The following PTPRD variants were observed in gnomAD, a reference collection of about 807,000 sequenced individuals.
PTPRD encodes protein tyrosine phosphatase receptor type D.
Under a neutral mutation model 214.5 loss-of-function variants are expected in PTPRD, and 34 were observed. The observed-to-expected ratio is 0.16, with a 90% CI of 0.12 to 0.21. The LOEUF is 0.21. Ranked by LOEUF, PTPRD falls within the 10% of genes least tolerant of loss-of-function variation. The pLI, the probability that PTPRD is intolerant of heterozygous loss-of-function variation, is 1.00. For synonymous variants in PTPRD, 1,128 were observed against 845.7 expected (o/e 1.33, Z -5.79); for missense variants, 2,545 against 2,398.7 (o/e 1.06, Z -1.27).
chr9:8,975,160 G>A (rs1283531763), intron 11 of PTPRD, among the ~76,000 whole-genome samples: 3 of 151,352 alleles, frequency 2.0e-5, no homozygotes, highest in Non-Finnish European at 4.4e-5. Flanking sequence ...ACATGATGAA[G>A]GGAATGGATA....
At chr9:8,356,599 T>G (rs1484738196) in intron 39 of PTPRD, among the ~76,000 whole-genome samples, 1 of 152,190 alleles carries the variant, frequency 6.6e-6, no homozygotes, top group Non-Finnish European at 1.5e-5. Context: ...AGCTATTAGG[T>G]TATAAAAATA....
intron 12 of PTPRD, among the ~76,000 whole-genome samples, chr9:8,699,714 C>T (rs948503713): frequency 6.6e-6 from 1 of 151,014 alleles, no homozygotes; most frequent in Non-Finnish European, 1.5e-5. Context: ...AAATGGTATC[C>T]ATCACATTGC....
In PTPRD at chr9:10,217,139, G is replaced by T. The variant is rs141570499; in HGVS notation, c.-545+123824C>A. On this transcript the variant is annotated intron_variant, in intron 3 of 45. Transcript: ENST00000381196. Reference sequence around the variant, plus strand: ...TGGCATTGAAACTAGCTTCCCACTAGATTTTACTTTGCTTTACCTCAAATT... The same window carrying T: ...TGGCATTGAAACTAGCTTCCCACTATATTTTACTTTGCTTTACCTCAAATT... 5.9e-4 allele frequency among the ~76,000 whole-genome samples: 90 copies of T among 151,848 alleles called. 1 individual carries two copies. In the East Asian group the frequency reaches 0.016, roughly 27 times the overall value.
At chr9:8,424,928 G>A (rs938453414) in intron 35 of PTPRD, among the ~76,000 whole-genome samples, 1 of 152,184 alleles carries the variant, frequency 6.6e-6, no homozygotes, top group Non-Finnish European at 1.5e-5. Flanking sequence ...CTGCATCTGT[G>A]ACGATGGAAA....
At chr9:10,261,331 G>A (rs746154802) in intron 3 of PTPRD, among the ~76,000 whole-genome samples, 3 of 151,816 alleles carry the variant, frequency 2.0e-5, no homozygotes, top group Non-Finnish European at 4.4e-5. Context: ...AATAATATAT[G>A]AGTTAAGTGT....
intron 9 of PTPRD, among the ~76,000 whole-genome samples, chr9:9,195,581 T>C (rs967050623): frequency 2.0e-5 from 3 of 152,220 alleles, no homozygotes; most frequent in Admixed American, 6.5e-5. Context: ...AAAGTATTGG[T>C]TTTATTTTCC....
chr9:8,321,224 C>G (rs1827085000), intron 44 of PTPRD, among the ~76,000 whole-genome samples: 1 of 151,642 alleles, frequency 6.6e-6, no homozygotes, highest in Non-Finnish European at 1.5e-5. Flanking sequence ...GTTGAATGAT[C>G]TAGGTACTCC....
At position 9,246,959 on chromosome 9, in the gene PTPRD, A is replaced by G. The variant is rs78213476; in HGVS notation, c.-202-63596T>C. Among the ~76,000 whole-genome samples the G allele has an allele frequency of 3.2e-3, 480 of 151,238 alleles. 19 individuals are homozygous for G. In the East Asian group the frequency reaches 0.08, roughly 25 times the overall value. On this transcript the variant is annotated intron_variant, in intron 9 of 45. Coordinates refer to ENST00000381196, the MANE Select transcript of PTPRD (RefSeq NM_002839.4). The stretch of plus-strand genomic sequence containing the variant: ...CAACTTCAGAACCAAGGTCTCTCTG[A>G]CCTTCTCCTGCCCTTCTGTCTCTTG...
chr9:10,414,230 G>A (rs888991573), intron 2 of PTPRD, among the ~76,000 whole-genome samples: 6 of 151,632 alleles, frequency 4.0e-5, no homozygotes, highest in East Asian at 2.0e-4. Context: ...AACATCTAGC[G>A]TCTATAGGGA....
chr9:9,949,804 C>T (rs747367072), intron 4 of PTPRD, among the ~76,000 whole-genome samples: 2 of 152,152 alleles, frequency 1.3e-5, no homozygotes, highest in African/African-American at 4.8e-5. Flanking sequence ...CAACTTTAGA[C>T]TGAAGCCAAC....
intron 3 of PTPRD, among the ~76,000 whole-genome samples, chr9:10,120,076 G>A (rs890381010): frequency 1.3e-5 from 2 of 151,994 alleles, no homozygotes; most frequent in African/African-American, 4.8e-5. Flanking sequence ...GCCACCCAGT[G>A]TCCTAGTGAT....
chr9:8,376,641 G>C lies in PTPRD; in HGVS notation c.4472C>G (p.Ala1491Gly), dbSNP rs2083337162. The change falls in exon 38 of 46, where the codon GCC becomes GGC. Residue 1491 changes from alanine to glycine, a missense_variant. By Grantham distance (60) the Ala-to-Gly change is moderately conservative. Transcript: ENST00000381196. ...QVTLLDTVEL[A>G]TYCVRTFALY... ...TGCAAATGTTCGAACACAATATGTGGCCAGCTCCACAGTATCAAGCAGCGT... is the reference window on the plus strand; with the variant it reads ...TGCAAATGTTCGAACACAATATGTGCCCAGCTCCACAGTATCAAGCAGCGT... 6.2e-7 allele frequency: 1 copy of C among 1,613,026 alleles called. No homozygotes were observed. The highest frequency in any genetic ancestry group is 8.5e-7 in the Non-Finnish European group (1 of 1,179,314).
chr9:10,402,198 T>A (rs1421825369), intron 2 of PTPRD, among the ~76,000 whole-genome samples: 1 of 151,712 alleles, frequency 6.6e-6, no homozygotes. Context: ...TATTTAGATA[T>A]CTTCAGATTG....
chr9:8,479,241 A>G (rs1272554347), intron 30 of PTPRD, among the ~76,000 whole-genome samples: 1 of 152,210 alleles, frequency 6.6e-6, no homozygotes, highest in African/African-American at 2.4e-5. Flanking sequence ...ATTCCAATAA[A>G]TAGAAATCAT....
Position 9,393,123 on chromosome 9 carries a change from C to T in PTPRD, c.-203+4326G>A, listed in dbSNP as rs147193761. Among the ~76,000 whole-genome samples, 338 of 152,256 alleles carry T rather than the reference C, an allele frequency of 2.2e-3. 1 individual carries two copies. The highest frequency in any genetic ancestry group is 7.7e-3 in the African/African-American group (318 of 41,556). ...TTATTCTCACCCTTCTATGTGTCCA[C>T]GAACCTAATCTTTCCTGGCCATGTG... On this transcript the variant is annotated intron_variant, in intron 9 of 45. Transcript: ENST00000381196.
Position 9,285,876 on chromosome 9 carries a change from GTATCTA to G in PTPRD, c.-202-102519_-202-102514del, listed in dbSNP as rs1201981555. Reference sequence around the variant, plus strand: ...GAAAGCTCTATATCTATCTATATCTGTATCTATATCTATATCTATATATCTGTAAAT... The same window carrying G: ...GAAAGCTCTATATCTATCTATATCTGTATCTATATCTATATATCTGTAAAT... On this transcript the variant is annotated intron_variant, in intron 9 of 45. Coordinates refer to ENST00000381196, the MANE Select transcript of PTPRD (RefSeq NM_002839.4). Among the ~76,000 whole-genome samples the G allele has an allele frequency of 5.3e-5, 8 of 151,084 alleles. No individual in the cohort carries two copies. In the South Asian group the frequency reaches 8.3e-4, roughly 16 times the overall value.
intron 12 of PTPRD, among the ~76,000 whole-genome samples, chr9:8,707,617 T>A (rs1345628532): frequency 6.6e-6 from 1 of 152,214 alleles, no homozygotes. Flanking sequence ...AAGTTCTAGT[T>A]TTTCCTTTCC....
chr9:9,838,635 G>C (rs1037354026), intron 5 of PTPRD, among the ~76,000 whole-genome samples: 1 of 152,112 alleles, frequency 6.6e-6, no homozygotes, highest in Non-Finnish European at 1.5e-5. Context: ...TTGTAAATTT[G>C]TTTGAGTTCA....
At chr9:8,739,842 G>A (rs531777431) in intron 11 of PTPRD, among the ~76,000 whole-genome samples, 2 of 152,156 alleles carry the variant, frequency 1.3e-5, no homozygotes, top group Admixed American at 1.3e-4. Flanking sequence ...TAGTGAATAA[G>A]TCTCATGAGA....
Sources: gnomAD v4.1 joint callset for allele counts (sites outside exome capture counted in the v4.1 genomes callset) on GRCh38, gnomAD v4.1.1 for gene constraint, MANE v1.5 for transcripts, NCBI Gene and HGNC (gene_info 2026-07-23, HGNC 2026-07-21) for gene names.